DYM: variants seen among roughly 807,000 people sequenced by gnomAD.
DYM encodes dyggve-Melchior-Clausen syndrome protein.
DYM carries 78 observed loss-of-function variants against 93.1 expected under a neutral mutation model. The observed-to-expected ratio is 0.84, with a 90% CI of 0.70 to 1.01. The LOEUF is 1.01. Among genes scored for constraint, DYM ranks in the 50% least tolerant of loss-of-function variants. The pLI is 0.00. For synonymous variants in DYM, 321 were observed against 319.7 expected (o/e 1.00, Z -0.04); for missense variants, 789 against 845.0 (o/e 0.93, Z 0.82).
intron 14 of DYM, among the ~76,000 whole-genome samples, chr18:49,206,816 G>A (rs183999086): frequency 6.6e-6 from 1 of 152,188 alleles, no homozygotes; most frequent in African/African-American, 2.4e-5. Flanking sequence ...CCCCCTGGAG[G>A]CTTCATACTG....
At chr18:49,441,007 AT>A (rs1204911717) in intron 1 of DYM, among the ~76,000 whole-genome samples, 65 of 2,640 alleles carry the variant, frequency 0.025, 17 homozygotes, top group Non-Finnish European at 0.035. Context: ...ATATTTATAT[AT>A]TATATATTAT....
chr18:49,109,807 A>G (rs997156888), intron 16 of DYM, among the ~76,000 whole-genome samples: 1 of 152,236 alleles, frequency 6.6e-6, no homozygotes, highest in African/African-American at 2.4e-5. Flanking sequence ...AGGAGATACA[A>G]ATATCTTTGA....
At position 49,288,207 on chromosome 18, in the gene DYM, C is replaced by T. The variant is rs559811808; in HGVS notation, c.764-1591G>A. 7.4e-4 allele frequency among the ~76,000 whole-genome samples: 112 copies of T among 152,250 alleles called. 2 individuals are homozygous for T. The highest frequency in any genetic ancestry group is 2.7e-3 in the African/African-American group (111 of 41,554). On this transcript the variant is annotated intron_variant, in intron 8 of 17. Coordinates refer to ENST00000675505, the MANE Select transcript of DYM (RefSeq NM_001353214.3). ...GCCACCTGATACTCCATTACTGACA[C>T]ACTATAACTAATAGAAGATTTTGGT...
intron 13 of DYM, among the ~76,000 whole-genome samples, chr18:49,222,972 A>G (rs1041641488): frequency 2.0e-5 from 3 of 152,192 alleles, no homozygotes; most frequent in African/African-American, 7.2e-5. Context: ...AATCAATCTT[A>G]GTATCTCCAG....
chr18:49,280,262 C>T (rs542697435), intron 10 of DYM, among the ~76,000 whole-genome samples: 1 of 152,284 alleles, frequency 6.6e-6, no homozygotes, highest in South Asian at 2.1e-4. Flanking sequence ...GAACTAATTT[C>T]ACTCATGTAG....
At chr18:49,163,917 C>T (rs1305378209) in intron 14 of DYM, 130 bp from the exon 15 acceptor site, 3 of 665,690 alleles carry the variant, frequency 4.5e-6, no homozygotes, top group Non-Finnish European at 8.0e-6. Context: ...TTCTTCATGC[C>T]TGTGTTAACA....
intron 5 of DYM, among the ~76,000 whole-genome samples, chr18:49,367,723 G>C (rs961478647): frequency 2.6e-5 from 4 of 152,152 alleles, no homozygotes; most frequent in African/African-American, 9.7e-5. Flanking sequence ...CGTTCAGAAG[G>C]TTGAACTGCC....
chr18:49,304,491 T>C (rs1199362226), intron 8 of DYM, among the ~76,000 whole-genome samples: 1 of 152,186 alleles, frequency 6.6e-6, no homozygotes, highest in African/African-American at 2.4e-5. Flanking sequence ...ACCTTCTATA[T>C]TGTCAACCTC....
At chr18:49,225,218 G>A (rs1451235174) in intron 13 of DYM, among the ~76,000 whole-genome samples, 1 of 152,050 alleles carries the variant, frequency 6.6e-6, no homozygotes, top group African/African-American at 2.4e-5. Flanking sequence ...AAAATAGCAT[G>A]CGTGCACACA....
chr18:49,440,099 A>T (rs2081208772), intron 1 of DYM, among the ~76,000 whole-genome samples: 1 of 132,268 alleles, frequency 7.6e-6, no homozygotes, highest in Admixed American at 7.7e-5. Context: ...ATATTTGATA[A>T]ATACATAAAG....
At chr18:49,108,357 G>A (rs944763164) in intron 16 of DYM, among the ~76,000 whole-genome samples, 3 of 152,214 alleles carry the variant, frequency 2.0e-5, no homozygotes, top group African/African-American at 7.2e-5. Context: ...TGCTTCCCGG[G>A]TGAGGCAATG....
At chr18:49,189,288 G>A (rs911029686) in intron 14 of DYM, among the ~76,000 whole-genome samples, 1 of 152,150 alleles carries the variant, frequency 6.6e-6, no homozygotes, top group Non-Finnish European at 1.5e-5. Context: ...AAACCTGAAT[G>A]TATTCCCTGA....
At chr18:49,235,722 A>G (rs2093839550) in intron 13 of DYM, among the ~76,000 whole-genome samples, 1 of 151,870 alleles carries the variant, frequency 6.6e-6, no homozygotes, top group Admixed American at 6.6e-5. Flanking sequence ...TGCAAATGAT[A>G]TGGTAGGAAA....
At chr18:49,211,279 A>C (rs2092771460) in intron 13 of DYM, among the ~76,000 whole-genome samples, 1 of 152,206 alleles carries the variant, frequency 6.6e-6, no homozygotes, top group Non-Finnish European at 1.5e-5. Context: ...TAAAGTAATA[A>C]GAGGACCAAT....
At chr18:49,077,524 T>A (rs1408271286) in intron 17 of DYM, among the ~76,000 whole-genome samples, 1 of 152,240 alleles carries the variant, frequency 6.6e-6, no homozygotes, top group East Asian at 1.9e-4. Context: ...ATAGTCTTTT[T>A]CAGATTTTCT....
intron 8 of DYM, among the ~76,000 whole-genome samples, chr18:49,317,619 C>T (rs2062079613): frequency 2.4e-5 from 1 of 41,464 alleles, no homozygotes. Context: ...CTCCCTCCCT[C>T]CCTCCCTCCC....
chr18:49,434,226 A>G (rs962246099), intron 1 of DYM, among the ~76,000 whole-genome samples: 2 of 152,074 alleles, frequency 1.3e-5, no homozygotes, highest in African/African-American at 4.8e-5. Flanking sequence ...ACACGCCTGT[A>G]GTCCCAGCTA....
intron 8 of DYM, among the ~76,000 whole-genome samples, chr18:49,321,835 T>C (rs1275576700): frequency 6.6e-6 from 1 of 152,104 alleles, no homozygotes; most frequent in African/African-American, 2.4e-5. Context: ...GAGAATATAA[T>C]TATTGTTTAT....
chr18:49,155,499 T>A (rs530033672), intron 15 of DYM, among the ~76,000 whole-genome samples: 4 of 152,354 alleles, frequency 2.6e-5, no homozygotes, highest in African/African-American at 9.6e-5. Context: ...AAACATTTCA[T>A]CACCTCCCAA....
Sources: gnomAD v4.1 joint callset for allele counts (sites outside exome capture counted in the v4.1 genomes callset) on GRCh38, gnomAD v4.1.1 for gene constraint, MANE v1.5 for transcripts, NCBI Gene and HGNC (gene_info 2026-07-23, HGNC 2026-07-21) for gene names.